The following CACYBP variants were observed in gnomAD, a reference collection of about 807,000 sequenced individuals.
CACYBP encodes the protein calcyclin-binding protein.
In CACYBP, 11 loss-of-function variants were observed where a neutral mutation model predicts 29.6. That is an observed-to-expected ratio of 0.37 (90% CI 0.23 to 0.61). The LOEUF is 0.61. Ranked by LOEUF, CACYBP falls within the 20% of genes least tolerant of loss-of-function variation. The pLI is 0.65. For missense variants in CACYBP, 163 were observed against 260.7 expected (o/e 0.63, Z 2.58); for synonymous variants, 73 against 88.3 (o/e 0.83, Z 0.97).
intron 4 of CACYBP, among the ~76,000 whole-genome samples, chr1:175,007,908 G>C (rs1672656200): frequency 6.6e-6 from 1 of 152,146 alleles, no homozygotes; most frequent in South Asian, 2.1e-4. Flanking sequence ...GAAGTTTAAT[G>C]CGTTAGGTAT....
chr1:175,007,767 G>GA (rs1672652924), intron 4 of CACYBP, among the ~76,000 whole-genome samples: 5 of 152,322 alleles, frequency 3.3e-5, no homozygotes, highest in Admixed American at 3.3e-4. Flanking sequence ...TACATAAAAG[G>GA]AGGTCTTAAG....
intron 1 of CACYBP, among the ~76,000 whole-genome samples, chr1:175,003,847 G>T (rs985246788): frequency 6.6e-6 from 1 of 152,206 alleles, no homozygotes; most frequent in African/African-American, 2.4e-5. Context: ...TCTATCTCTA[G>T]AAAGTAGAAA....
intron 5 of CACYBP, among the ~76,000 whole-genome samples, chr1:175,009,535 A>G (rs1446056164): frequency 1.3e-5 from 2 of 151,082 alleles, no homozygotes; most frequent in East Asian, 3.9e-4. Flanking sequence ...AATCCCAGCT[A>G]CTCGGGAGGC....
chr1:175,000,160 C>T lies in CACYBP; in HGVS notation c.-21C>T, dbSNP rs370623323. On this transcript the variant is annotated 5_prime_UTR_variant, in exon 1 of 6. Coordinates refer to ENST00000367679, the MANE Select transcript of CACYBP (RefSeq NM_014412.3). Reference sequence around the variant, plus strand: ...CCTTCTGCGCGGCTGCAGCTCGGGACTTCGGCCTGACCCAGCCCCCATGGC... The same window carrying T: ...CCTTCTGCGCGGCTGCAGCTCGGGATTTCGGCCTGACCCAGCCCCCATGGC... 1.9e-6 allele frequency: 3 copies of T among 1,604,580 alleles called. No individual in the cohort carries two copies. The highest frequency in any genetic ancestry group is 1.1e-5 in the South Asian group (1 of 89,564).
chr1:175,007,005 A>G lies in CACYBP; in HGVS notation c.333-93A>G. Reference sequence around the variant, plus strand: ...TTAACTGGCCAAATGCACACCCTGAAATAAAGCCAGCAGCTTTTTTCCCAC... The same window carrying G: ...TTAACTGGCCAAATGCACACCCTGAGATAAAGCCAGCAGCTTTTTTCCCAC... On this transcript the variant is annotated intron_variant, in intron 3 of 5. Coordinates refer to ENST00000367679, the MANE Select transcript of CACYBP (RefSeq NM_014412.3). 4 of 957,726 alleles carry G rather than the reference A, an allele frequency of 4.2e-6. No homozygotes were observed. The South Asian group carries it at 6.1e-5, about 15-fold the overall frequency. 59.3% of individuals were successfully genotyped at this position (957,726 alleles called of 1,614,324 possible).
chr1:175,010,061 A>T lies in CACYBP; in HGVS notation c.669A>T (p.Lys223Asn). 1 of 1,613,116 alleles carries T rather than the reference A, an allele frequency of 6.2e-7. No individual in the cohort carries two copies. Among genetic ancestry groups the T allele is most frequent in the South Asian group, 1.1e-5 (1 of 90,868 alleles). ...AWVESREKQA[K>N]GDTEF ...TGGAATCAAGAGAGAAGCAAGCCAA[A>T]GGAGACACGGAATTTTGAGACTTTA... is the stretch of plus-strand genomic sequence containing the variant. Residue 223 changes from lysine (K) to asparagine (N), a missense_variant, in exon 6 of 6, where the codon AAA (lysine) becomes AAT (asparagine). Lys to Asn is a moderately conservative substitution (Grantham distance 94). Coordinates refer to ENST00000367679, the MANE Select transcript of CACYBP (RefSeq NM_014412.3).
chr1:175,003,046 A>AT (rs1210949163), intron 1 of CACYBP, among the ~76,000 whole-genome samples: 1 of 151,844 alleles, frequency 6.6e-6, no homozygotes, highest in Non-Finnish European at 1.5e-5. Flanking sequence ...AGTTTGCAAG[A>AT]TTTTTTGTCA....
rs913898531 is a variant in CACYBP at position 174,999,992 on chromosome 1, G to A, written c.-189G>A. Reference sequence around the variant, plus strand: ...GGTGGGCGGTGGCGGCGGCTGCCTCGCGAAGGTTCGAGATCCGTCGCGTGC... The same window carrying A: ...GGTGGGCGGTGGCGGCGGCTGCCTCACGAAGGTTCGAGATCCGTCGCGTGC... On this transcript the variant is annotated 5_prime_UTR_variant, in exon 1 of 6. Coordinates refer to ENST00000367679, the MANE Select transcript of CACYBP (RefSeq NM_014412.3). 3.8e-6 allele frequency: 3 copies of A among 784,986 alleles called. No homozygotes were observed. The highest frequency in any genetic ancestry group is 6.0e-6 in the Non-Finnish European group (3 of 501,250). 48.6% of individuals were successfully genotyped at this position (784,986 alleles called of 1,614,324 possible).
At chr1:174,999,715 ACGCAGCGGTTCCGAGCTGCGACTG>A (rs571403717), upstream of CACYBP, 298 of 253,398 alleles carry the variant, frequency 1.2e-3, no homozygotes, top group Admixed American at 2.2e-3. Flanking sequence ...GGCTGGGTTA[ACGCAGCGGTTCCGAGCTGCGACTG>A]CGCAGCGTGG....
intron 3 of CACYBP, 128 bp from the exon 4 acceptor site, chr1:175,006,970 G>A (rs1007822080): frequency 1.2e-6 from 1 of 832,966 alleles, no homozygotes; most frequent in Non-Finnish European, 2.0e-6. Flanking sequence ...CTACTTTGAA[G>A]AGGTGAGCGT....
chr1:175,001,801 G>A (rs1672494993), intron 1 of CACYBP, among the ~76,000 whole-genome samples: 1 of 152,188 alleles, frequency 6.6e-6, no homozygotes, highest in African/African-American at 2.4e-5. Flanking sequence ...GAGTGCAATG[G>A]CGCAATCTCG....
At chr1:175,007,225 T>C (rs774828117) in intron 4 of CACYBP, 28 bp downstream of exon 4, 4 of 1,335,050 alleles carry the variant, frequency 3.0e-6, no homozygotes, top group Non-Finnish European at 3.2e-6. Context: ...GATTGTAATA[T>C]TGTGAAACCT....
chr1:175,004,894 T>C (rs1672579490), intron 2 of CACYBP, 61 bp downstream of exon 2: 1 of 1,054,544 alleles, frequency 9.5e-7, no homozygotes, highest in Non-Finnish European at 1.5e-6. Flanking sequence ...CATAGTGGTC[T>C]AACAAATTCA....
In CACYBP at chr1:175,000,098, C is replaced by A. The variant is rs904974053; in HGVS notation, c.-83C>A. On this transcript the variant is annotated 5_prime_UTR_variant, in exon 1 of 6. Coordinates refer to ENST00000367679, the MANE Select transcript of CACYBP (RefSeq NM_014412.3). ...CGACTCGTGCGGGTAGGCGTCTGCG[C>A]TCGGTTTGAGGGCTCGGCGCGGGGT... 16 of 1,545,878 alleles carry A rather than the reference C, an allele frequency of 1.0e-5. No individual in the cohort carries two copies. In the African/African-American group the frequency reaches 2.1e-4, roughly 20 times the overall value.
Position 175,006,732 on chromosome 1 carries a change from T to G in CACYBP, c.236-13T>G. 1 of 1,451,806 alleles carries G rather than the reference T, an allele frequency of 6.9e-7. No individual in the cohort carries two copies. 89.9% of individuals were successfully genotyped at this position (1,451,806 alleles called of 1,614,324 possible). ...AGGCTTACTTACGTCCCATCTTTTG[T>G]TGTCGTTGCCAGGATGGGATCAGTC... On this transcript the variant is annotated splice_polypyrimidine_tract_variant and intron_variant, in intron 2 of 5. Coordinates refer to ENST00000367679, the MANE Select transcript of CACYBP (RefSeq NM_014412.3).
rs551275986 is a variant in CACYBP at position 175,000,076 on chromosome 1, C to T, written c.-105C>T. On this transcript the variant is annotated 5_prime_UTR_variant, in exon 1 of 6. Transcript: ENST00000367679. ...GTGGGCGCAGGCTGCAGCGCCGCGA[C>T]TCGTGCGGGTAGGCGTCTGCGCTCG... 9.6e-6 allele frequency: 14 copies of T among 1,465,732 alleles called. No individual in the cohort carries two copies. The South Asian group carries it at 1.2e-4, about 13-fold the overall frequency. The allele number at this position is 1,465,732 out of a possible 1,614,324, so 90.8% of individuals were successfully genotyped here. A position where few individuals can be genotyped will look rare whatever the true frequency, so the allele number is the denominator to read the frequency against.
chr1:175,002,569 AAAAC>A (rs1476149282), intron 1 of CACYBP, among the ~76,000 whole-genome samples: 2 of 152,258 alleles, frequency 1.3e-5, no homozygotes, highest in East Asian at 1.9e-4. Context: ...TTATATACGT[AAAAC>A]AAACACATGC....
intron 2 of CACYBP, among the ~76,000 whole-genome samples, chr1:175,006,149 GTTC>G (rs1371877809): frequency 6.6e-6 from 1 of 152,166 alleles, no homozygotes; most frequent in Non-Finnish European, 1.5e-5. Flanking sequence ...TGTTGACAGA[GTTC>G]TTCTAGGTCA....
intron 5 of CACYBP, among the ~76,000 whole-genome samples, chr1:175,009,311 T>C (rs1206886448): frequency 6.6e-6 from 1 of 152,062 alleles, no homozygotes; most frequent in Non-Finnish European, 1.5e-5. Context: ...TTTTAAAAAA[T>C]GAAAACAAGT....
Sources: gnomAD v4.1 joint callset for allele counts (sites outside exome capture counted in the v4.1 genomes callset) on GRCh38, gnomAD v4.1.1 for gene constraint, MANE v1.5 for transcripts, NCBI Gene and HGNC (gene_info 2026-07-23, HGNC 2026-07-21) for gene names.